Variants in CCDC66 observed in about 807,000 individuals in gnomAD.
The protein encoded by CCDC66 is coiled-coil domain-containing protein 66.
CCDC66 carries 133 observed loss-of-function variants against 128.3 expected under a neutral mutation model. The ratio of observed to expected loss-of-function variants is 1.04; its 90% CI spans 0.90 to 1.20. The LOEUF (loss-of-function observed/expected upper bound fraction) is 1.20. CCDC66 is among the 50% of genes most tolerant of loss of function. The pLI is 0.00. For missense variants in CCDC66, 1,126 were observed against 1,075.5 expected (o/e 1.05, Z -0.66); for synonymous variants, 387 against 357.0 (o/e 1.08, Z -0.95).
intron 15 of CCDC66, chr3:56,619,060 A>G (rs1578090338): frequency 2.3e-6 from 1 of 443,736 alleles, no homozygotes; most frequent in Non-Finnish European, 3.9e-6. Context: ...TCTACTAAAA[A>G]TACAGAAACT....
chr3:56,621,393 C>T lies in CCDC66; in HGVS notation c.2761-139C>T, dbSNP rs541321379. The stretch of plus-strand genomic sequence containing the variant: ...TCCAAATGAGGTGGTCTAGTACAAG[C>T]ATTTCTGAAAAAATTTTTGAATGAC... On this transcript the variant is annotated intron_variant, in intron 17 of 17. Transcript: ENST00000394672. The T allele has an allele frequency of 1.7e-4, 89 of 530,898 alleles. No individual in the cohort carries two copies. The African/African-American group carries it at 1.7e-3, about 10-fold the overall frequency. 32.9% of individuals were successfully genotyped at this position (530,898 alleles called of 1,614,324 possible). A position where few individuals can be genotyped will look rare whatever the true frequency, so the allele number is the denominator to read the frequency against.
chr3:56,604,358 T>C (rs140956828), intron 10 of CCDC66, among the ~76,000 whole-genome samples: 583 of 152,166 alleles, frequency 3.8e-3, no homozygotes, highest in Middle Eastern at 6.8e-3. Flanking sequence ...GTTGATGCAG[T>C]TTCTTCATAG....
At chr3:56,559,524 T>G in intron 2 of CCDC66, 45 bp from the exon 3 acceptor site, 1 of 1,334,288 alleles carries the variant, frequency 7.5e-7, no homozygotes, top group Non-Finnish European at 1.0e-6. Context: ...ACCACCTTAG[T>G]ATGCTTTTGG....
At chr3:56,619,946 G>A (rs371646030) in intron 17 of CCDC66, 45 bp downstream of exon 17, 33 of 1,587,030 alleles carry the variant, frequency 2.1e-5, no homozygotes, top group African/African-American at 4.1e-5. Flanking sequence ...TTTATGTGGC[G>A]TGGGCGGTTG....
rs755077664 is a variant in CCDC66, at chr3:56,559,601, C to T, written c.102+7C>T. 2.0e-5 allele frequency: 31 copies of T among 1,529,452 alleles called. No individual in the cohort carries two copies. The highest frequency in any genetic ancestry group is 4.2e-5 in the Admixed American group (2 of 47,292). The allele number at this position is 1,529,452 out of a possible 1,614,324, so 94.7% of individuals were successfully genotyped here. A position where few individuals can be genotyped will look rare whatever the true frequency, so the allele number is the denominator to read the frequency against. On this transcript the variant is annotated splice_region_variant and intron_variant, in intron 3 of 17. Transcript: ENST00000394672. Reference sequence around the variant, plus strand: ...ATCAAAAATTTCTGTGAAGGTAAGCCGTATAACTTTGACCTGACCTGTTTT... The same window carrying T: ...ATCAAAAATTTCTGTGAAGGTAAGCTGTATAACTTTGACCTGACCTGTTTT...
chr3:56,594,068 AAC>A, intron 10 of CCDC66, 40 bp downstream of exon 10: 3 of 1,545,714 alleles, frequency 1.9e-6, no homozygotes, highest in Non-Finnish European at 2.7e-6. Context: ...CTTAATAAGT[AAC>A]AGTCATGGTG....
intron 10 of CCDC66, 38 bp from the exon 11 acceptor site, chr3:56,613,545 GATTTTT>G: frequency 6.3e-7 from 1 of 1,592,816 alleles, no homozygotes; most frequent in Non-Finnish European, 8.5e-7. Context: ...CTCCTGCTTA[GATTTTT>G]ATTTTTGACA....
At position 56,616,021 on chromosome 3, in the gene CCDC66, C is replaced by A; in HGVS notation, c.1811C>A (p.Thr604Lys). 1.3e-6 allele frequency: 2 copies of A among 1,534,426 alleles called. No individual in the cohort carries two copies. Among genetic ancestry groups the A allele is most frequent in the Non-Finnish European group, 8.6e-7 (1 of 1,158,360 alleles). ...AAAATGAATACATATATGAATTCTA[C>A]GACTTCTAAGAAGGATACTGGTGTG... is the stretch of plus-strand genomic sequence containing the variant. ...SGKMNTYMNS[T>K]TSKKDTGVQT... Residue 604 changes from threonine (T) to lysine (K), a missense_variant, in exon 13 of 18, where the codon ACG (threonine) becomes AAG (lysine). Thr to Lys is a moderately conservative substitution (Grantham distance 78). Transcript: ENST00000394672.
intron 10 of CCDC66, among the ~76,000 whole-genome samples, chr3:56,602,749 C>G (rs927394105): frequency 3.3e-5 from 5 of 150,866 alleles, no homozygotes; most frequent in African/African-American, 1.2e-4. Context: ...TCTAGATTTT[C>G]TAGTTTATTT....
intron 7 of CCDC66, among the ~76,000 whole-genome samples, chr3:56,590,633 T>A (rs1347344186): frequency 6.6e-6 from 1 of 151,740 alleles, no homozygotes; most frequent in African/African-American, 2.4e-5. Context: ...GTGGTGTGCA[T>A]CTGTAGTCCC....
At chr3:56,618,265 C>CA in intron 15 of CCDC66, 53 bp downstream of exon 15, 4 of 1,450,374 alleles carry the variant, frequency 2.8e-6, no homozygotes, top group South Asian at 2.3e-5. Flanking sequence ...CTATGTGGGA[C>CA]AAAAAAGGGA....
At chr3:56,575,254 A>G (rs1236433594) in intron 7 of CCDC66, among the ~76,000 whole-genome samples, 4 of 151,756 alleles carry the variant, frequency 2.6e-5, no homozygotes, top group Admixed American at 6.6e-5. Context: ...CCTCACCAAC[A>G]CTTACTTTCT....
intron 7 of CCDC66, among the ~76,000 whole-genome samples, chr3:56,589,966 A>C (rs2106880090): frequency 6.6e-6 from 1 of 152,298 alleles, no homozygotes; most frequent in Admixed American, 6.5e-5. Context: ...ATTAATTTTT[A>C]AGTTCAAAGT....
Position 56,615,098 on chromosome 3 carries a change from A to T in CCDC66, c.1567-30A>T, listed in dbSNP as rs6768855. ...AGTCAAGTCTTTGTATGTTTAATAG[A>T]TGAATTTAGTAACACATCAATATTG... On this transcript the variant is annotated intron_variant, in intron 11 of 17. Coordinates refer to ENST00000394672, the MANE Select transcript of CCDC66 (RefSeq NM_001141947.3). 8,450 of 1,604,346 alleles carry T rather than the reference A, an allele frequency of 5.3e-3. 243 individuals carry two copies. Among genetic ancestry groups the T allele is most frequent in the South Asian group, 0.05 (4,447 of 89,336 alleles).
At chr3:56,576,128 A>G (rs1427529084) in intron 7 of CCDC66, among the ~76,000 whole-genome samples, 1 of 151,594 alleles carries the variant, frequency 6.6e-6, no homozygotes, top group African/African-American at 2.4e-5. Context: ...GGTAATATTA[A>G]TATCTCAATA....
At chr3:56,570,594 C>G (rs1294409195) in intron 6 of CCDC66, 1 of 165,648 alleles carries the variant, frequency 6.0e-6, no homozygotes, top group Non-Finnish European at 1.3e-5. Flanking sequence ...CACTAAAATA[C>G]AAAAATTAGC....
rs753875788 is a variant in CCDC66, at chr3:56,597,776, G to GTTTTTTTTTTTTTT, written c.1404+3748_1404+3749insTTTTTTTTTTTTTT. ...TTGTGGAGTCTAGGTTTTGTTTTGG[G>GTTTTTTTTTTTTTT]GTTTTTTTTTTTTTTTGAGACAGAG... On this transcript the variant is annotated intron_variant, in intron 10 of 17. Transcript: ENST00000394672. Among the ~76,000 whole-genome samples the GTTTTTTTTTTTTTT allele has an allele frequency of 1.4e-3, 84 of 61,826 alleles. 17 individuals carry two copies. Among genetic ancestry groups the GTTTTTTTTTTTTTT allele is most frequent in the Non-Finnish European group, 1.5e-3 (59 of 38,220 alleles). The allele number at this position is 61,826 out of a possible 152,430, so 40.6% of individuals were successfully genotyped here.
Position 56,593,606 on chromosome 3 carries a change from C to T in CCDC66, c.1184C>T (p.Ser395Phe), listed in dbSNP as rs1412873775. The change falls in exon 9 of 18, where the codon TCT becomes TTT. Residue 395 changes from serine (S) to phenylalanine (F), a missense_variant. By Grantham distance (155) the Ser-to-Phe change is radical (BLOSUM62 -2). Transcript: ENST00000394672. ...AAACAACCTGAGTACTTCTGTGTCT[C>T]TCCTGACACTCAGGAGCTGGCTGAT... The part of the protein sequence containing the change: ...THKQPEYFCV[S>F]PDTQELADVS... 1.9e-6 allele frequency: 3 copies of T among 1,614,190 alleles called. No homozygotes were observed. The highest frequency in any genetic ancestry group is 1.1e-5 in the South Asian group (1 of 91,080).
At chr3:56,600,133 A>G (rs1035037125) in intron 10 of CCDC66, among the ~76,000 whole-genome samples, 2 of 146,306 alleles carry the variant, frequency 1.4e-5, no homozygotes, top group Non-Finnish European at 3.0e-5. Context: ...TGCAATAAAC[A>G]TACATGTGCA....
Sources: gnomAD v4.1 joint callset for allele counts (sites outside exome capture counted in the v4.1 genomes callset) on GRCh38, gnomAD v4.1.1 for gene constraint, MANE v1.5 for transcripts, NCBI Gene and HGNC (gene_info 2026-07-23, HGNC 2026-07-21) for gene names.